Variants in DGKE observed in about 807,000 individuals in gnomAD.
DGKE encodes DAG kinase epsilon.
A neutral mutation model predicts 70.0 loss-of-function variants in DGKE; 53 were observed. The ratio of observed to expected loss-of-function variants is 0.76; its 90% CI spans 0.61 to 0.95. The LOEUF is 0.95. Ranked by LOEUF, DGKE falls within the 40% of genes least tolerant of loss-of-function variation. The pLI is 0.00. For missense variants in DGKE, 655 were observed against 706.9 expected (o/e 0.93, Z 0.83); for synonymous variants, 291 against 257.0 (o/e 1.13, Z -1.27).
intron 2 of DGKE, among the ~76,000 whole-genome samples, chr17:56,836,980 C>G (rs1397853926): frequency 6.6e-6 from 1 of 152,198 alleles, no homozygotes; most frequent in African/African-American, 2.4e-5. Flanking sequence ...ACCTGATCTA[C>G]TCAGCTTCCC....
At position 56,862,975 on chromosome 17, in the gene DGKE, G is replaced by A. The variant is rs1908383301; in HGVS notation, c.*184G>A. ...AGCCTTCAGTTATTTACAAATGTTTGTTCTTTTTTCAGCAAAATACTTCAA... is the reference window on the plus strand; with the variant it reads ...AGCCTTCAGTTATTTACAAATGTTTATTCTTTTTTCAGCAAAATACTTCAA... On this transcript the variant is annotated 3_prime_UTR_variant, in exon 12 of 12. Transcript: ENST00000284061. 2.2e-6 allele frequency: 1 copy of A among 463,310 alleles called. No individual in the cohort carries two copies. Among genetic ancestry groups the A allele is most frequent in the Admixed American group, 4.4e-5 (1 of 22,934 alleles). 28.7% of individuals were successfully genotyped at this position (463,310 alleles called of 1,614,324 possible). A position where few individuals can be genotyped will look rare whatever the true frequency, so the allele number is the denominator to read the frequency against.
At chr17:56,848,189 G>A (rs1010116746) in intron 5 of DGKE, 124 bp downstream of exon 5, 51 of 580,900 alleles carry the variant, frequency 8.8e-5, no homozygotes, top group South Asian at 1.6e-4. Context: ...ATACAGTCTC[G>A]CACTGTCACC....
intron 2 of DGKE, among the ~76,000 whole-genome samples, chr17:56,837,055 A>G (rs1216995768): frequency 6.6e-6 from 1 of 152,210 alleles, no homozygotes; most frequent in Admixed American, 6.5e-5. Context: ...TTCTCAAAGT[A>G]AGGTCCCTAG....
rs1225176067 is a variant in DGKE, at chr17:56,867,920, A to T, written c.*5129A>T. On this transcript the variant is annotated 3_prime_UTR_variant, in exon 12 of 12. Coordinates refer to ENST00000284061, the MANE Select transcript of DGKE (RefSeq NM_003647.3). ...GAGTGAGACTCCATCTCAAAAAAAAAAAAAAAGAAAGAAATGTGTTGCTGG... is the reference window on the plus strand; with the variant it reads ...GAGTGAGACTCCATCTCAAAAAAAATAAAAAAGAAAGAAATGTGTTGCTGG... The T allele has an allele frequency of 6.6e-6, 1 of 152,590 alleles. No homozygotes were observed. Among genetic ancestry groups the T allele is most frequent in the African/African-American group, 2.4e-5 (1 of 41,458 alleles). 9.5% of individuals were successfully genotyped at this position (152,590 alleles called of 1,614,324 possible).
At chr17:56,853,333 C>T (rs1171949551) in intron 7 of DGKE, among the ~76,000 whole-genome samples, 2 of 152,144 alleles carry the variant, frequency 1.3e-5, no homozygotes, top group Non-Finnish European at 2.9e-5. Context: ...ATTGCCTATG[C>T]TTTTGAGATC....
intron 2 of DGKE, among the ~76,000 whole-genome samples, chr17:56,840,057 G>A (rs1164552331): frequency 2.6e-5 from 4 of 152,012 alleles, no homozygotes; most frequent in Admixed American, 6.5e-5. Context: ...CCAGCTACTC[G>A]GGAGGCTGAG....
In DGKE at chr17:56,868,991, A is replaced by G. The variant is rs538599494; in HGVS notation, c.*6200A>G. 7 of 152,204 alleles carry G rather than the reference A, an allele frequency of 4.6e-5. No individual in the cohort carries two copies. Among genetic ancestry groups the G allele is most frequent in the Non-Finnish European group, 7.3e-5 (5 of 68,042 alleles). 9.4% of individuals were successfully genotyped at this position (152,204 alleles called of 1,614,324 possible). On this transcript the variant is annotated 3_prime_UTR_variant, in exon 12 of 12. Coordinates refer to ENST00000284061, the MANE Select transcript of DGKE (RefSeq NM_003647.3). ...CAGTTGGTAGAGTATGGAAAAATGT[A>G]TCACTTATTTGAAATACCTGAATGG... is the stretch of plus-strand genomic sequence containing the variant.
intron 2 of DGKE, among the ~76,000 whole-genome samples, chr17:56,839,977 C>G (rs1223007113): frequency 1.3e-5 from 2 of 152,110 alleles, no homozygotes; most frequent in Non-Finnish European, 2.9e-5. Context: ...CCAGCCTGAC[C>G]AATATGGAGA....
chr17:56,844,035 A>G lies in DGKE; in HGVS notation c.481A>G (p.Lys161Glu). The change falls in exon 3 of 12, where the codon AAA (lysine) becomes GAA (glutamate). Residue 161 changes from lysine to glutamate, a missense_variant. Physicochemically the swap from Lys to Glu is moderately conservative, Grantham distance 56. Transcript: ENST00000284061. ...LCDYRCIWCQ[K>E]TVHDECMKNS... Reference sequence around the variant, plus strand: ...TTCCCTCAGGTGCATTTGGTGCCAGAAAACAGTACATGATGAGTGCATGAA... The same window carrying G: ...TTCCCTCAGGTGCATTTGGTGCCAGGAAACAGTACATGATGAGTGCATGAA... 6.5e-7 allele frequency: 1 copy of G among 1,544,572 alleles called. No homozygotes were observed. Among genetic ancestry groups the G allele is most frequent in the Admixed American group, 2.3e-5 (1 of 43,442 alleles).
At chr17:56,856,889 A>G (rs1907984286) in intron 8 of DGKE, among the ~76,000 whole-genome samples, 1 of 152,084 alleles carries the variant, frequency 6.6e-6, no homozygotes, top group Non-Finnish European at 1.5e-5. Flanking sequence ...ACTTGAGGTC[A>G]GGAGTTCAAG....
At chr17:56,862,026 T>A (rs1176286901) in intron 10 of DGKE, 108 bp downstream of exon 10, 4 of 1,530,608 alleles carry the variant, frequency 2.6e-6, no homozygotes, top group Non-Finnish European at 3.5e-6. Context: ...GTGTATCTCA[T>A]TAGTTATAAA....
At chr17:56,855,998 T>G (rs1598042433) in intron 7 of DGKE, among the ~76,000 whole-genome samples, 2 of 107,212 alleles carry the variant, frequency 1.9e-5, no homozygotes, top group South Asian at 6.0e-4. Flanking sequence ...AGTCCGAGAC[T>G]CCATCTCAAA....
At chr17:56,836,490 C>T (rs980862033) in intron 2 of DGKE, 8 of 152,102 alleles carry the variant, frequency 5.3e-5, no homozygotes, top group Non-Finnish European at 1.2e-4. Context: ...TATTTCCTTC[C>T]CTTCTCTGGT....
chr17:56,858,437 C>T (rs1391469743), intron 8 of DGKE, among the ~76,000 whole-genome samples, 157 bp from the exon 9 acceptor site: 2 of 152,200 alleles, frequency 1.3e-5, no homozygotes, highest in African/African-American at 4.8e-5. Context: ...CCAAAAGTAT[C>T]CCCTTTGGTT....
At chr17:56,841,619 T>C (rs558952694) in intron 2 of DGKE, among the ~76,000 whole-genome samples, 134 of 152,338 alleles carry the variant, frequency 8.8e-4, no homozygotes, top group African/African-American at 3.0e-3. Flanking sequence ...GTGTTAGTTA[T>C]GATGGGCACT....
At chr17:56,848,168 T>G in intron 5 of DGKE, 103 bp downstream of exon 5, 1 of 812,266 alleles carries the variant, frequency 1.2e-6, no homozygotes, top group Non-Finnish European at 1.6e-6. Flanking sequence ...TTGTTGTTGT[T>G]TTTTCTTGAG....
Position 56,861,753 on chromosome 17 carries a change from G to A in DGKE, c.1285-38G>A, listed in dbSNP as rs759628109. The A allele has an allele frequency of 3.1e-6, 5 of 1,601,276 alleles. No individual in the cohort carries two copies. In the South Asian group the frequency reaches 5.6e-5, roughly 18 times the overall value. On this transcript the variant is annotated intron_variant, in intron 9 of 11. Coordinates refer to ENST00000284061, the MANE Select transcript of DGKE (RefSeq NM_003647.3). ...CTAAATGGATGTGTGTGGAAATTGT[G>A]TATCCTGTAGTCACTATCTATTTGT... is the stretch of plus-strand genomic sequence containing the variant.
At chr17:56,840,594 G>A (rs1449686635) in intron 2 of DGKE, among the ~76,000 whole-genome samples, 1 of 152,140 alleles carries the variant, frequency 6.6e-6, no homozygotes, top group Non-Finnish European at 1.5e-5. Context: ...TACTCAGGCT[G>A]GTCTCAAACT....
At chr17:56,842,657 G>A (rs1284568899) in intron 2 of DGKE, among the ~76,000 whole-genome samples, 1 of 152,188 alleles carries the variant, frequency 6.6e-6, no homozygotes, top group Non-Finnish European at 1.5e-5. Flanking sequence ...CTAAGTACTT[G>A]ACAAATCTGA....
Sources: allele counts gnomAD v4.1 joint callset (sites outside exome capture counted in the v4.1 genomes callset), GRCh38; gene constraint gnomAD v4.1.1; transcripts MANE v1.5; gene names NCBI Gene and HGNC (gene_info 2026-07-23, HGNC 2026-07-21).